Variants in NRG3 observed in about 807,000 individuals in gnomAD.
NRG3 encodes pro-neuregulin-3, membrane-bound isoform.
In NRG3, 31 loss-of-function variants were observed where a neutral mutation model predicts 66.9. The observed-to-expected ratio is 0.46, with a 90% CI of 0.35 to 0.63. NRG3 has a LOEUF of 0.63. Among genes scored for constraint, NRG3 ranks in the 20% least tolerant of loss-of-function variants. NRG3 has a pLI of 0.00. For missense variants in NRG3, 910 were observed against 878.9 expected (o/e 1.04, Z -0.45); for synonymous variants, 393 against 359.4 (o/e 1.09, Z -1.06).
rs760661674 is a variant in NRG3, at chr10:82,304,983, CTTTTTTTTTTT to C, written c.824-53737_824-53727del. Among the ~76,000 whole-genome samples, 138 of 73,868 alleles carry C rather than the reference CTTTTTTTTTTT, an allele frequency of 1.9e-3. No homozygotes were observed. In the East Asian group the frequency reaches 0.049, roughly 26 times the overall value. 48.5% of individuals were successfully genotyped at this position (73,868 alleles called of 152,430 possible). On this transcript the variant is annotated intron_variant, in intron 1 of 8. Transcript: ENST00000372141. Reference sequence around the variant, plus strand: ...ATGTTTATTAAGTCATCAGATTCCTCTTTTTTTTTTTTTTTTTTTTTTTTTTTTTGAGACAG... The same window carrying C: ...ATGTTTATTAAGTCATCAGATTCCTCTTTTTTTTTTTTTTTTTTGAGACAG...
intron 1 of NRG3, among the ~76,000 whole-genome samples, chr10:81,897,420 G>C (rs1053556472): frequency 3.9e-5 from 6 of 152,126 alleles, no homozygotes; most frequent in African/African-American, 1.4e-4. Context: ...GATCCTGGCA[G>C]CTTAGACTAG....
In NRG3 at chr10:82,316,912, T is replaced by C. The variant is rs1051127613; in HGVS notation, c.824-41827T>C. On this transcript the variant is annotated intron_variant, in intron 1 of 8. Transcript: ENST00000372141. ...AGATTCCAGGCTTCTTACTCAGCAC[T>C]GGGAGGCGAAGAACTTGTCACCCTT... 3.3e-5 allele frequency among the ~76,000 whole-genome samples: 5 copies of C among 152,166 alleles called. No homozygotes were observed. In the South Asian group the frequency reaches 1.0e-3, roughly 32 times the overall value.
chr10:82,404,616 A>G (rs1434860095), intron 2 of NRG3, among the ~76,000 whole-genome samples: 1 of 152,242 alleles, frequency 6.6e-6, no homozygotes, highest in African/African-American at 2.4e-5. Context: ...GAGACATTTT[A>G]CTACATAAAA....
intron 2 of NRG3, among the ~76,000 whole-genome samples, chr10:82,667,063 C>G (rs116597966): frequency 6.6e-6 from 1 of 152,314 alleles, no homozygotes; most frequent in African/African-American, 2.4e-5. Flanking sequence ...TGACTGGGGT[C>G]CACAGCAGAG....
chr10:82,961,277 T>A (rs569564512), intron 6 of NRG3, among the ~76,000 whole-genome samples: 1 of 152,212 alleles, frequency 6.6e-6, no homozygotes. Flanking sequence ...ACAACCCATA[T>A]TGATGGATTG....
intron 1 of NRG3, among the ~76,000 whole-genome samples, chr10:81,947,438 C>T (rs2133154816): frequency 6.6e-6 from 1 of 152,250 alleles, no homozygotes; most frequent in African/African-American, 2.4e-5. Context: ...CAGGCTGGTG[C>T]CCAGACTGCC....
chr10:82,414,747 CAG>C (rs1377407075), intron 2 of NRG3, among the ~76,000 whole-genome samples: 1 of 151,924 alleles, frequency 6.6e-6, no homozygotes, highest in Non-Finnish European at 1.5e-5. Context: ...TGTGAGCACA[CAG>C]AGAGAGAGAG....
chr10:82,420,168 G>A (rs1485992973), intron 2 of NRG3, among the ~76,000 whole-genome samples: 1 of 152,088 alleles, frequency 6.6e-6, no homozygotes. Flanking sequence ...CTTGTTCTGT[G>A]CATTTGTTTT....
At chr10:82,835,927 T>C (rs2062751974) in intron 3 of NRG3, among the ~76,000 whole-genome samples, 1 of 152,082 alleles carries the variant, frequency 6.6e-6, no homozygotes, top group African/African-American at 2.4e-5. Context: ...ACCTTTGGAT[T>C]AAGTGATTCC....
At chr10:82,527,053 G>A (rs989898897) in intron 2 of NRG3, among the ~76,000 whole-genome samples, 1 of 151,892 alleles carries the variant, frequency 6.6e-6, no homozygotes, top group African/African-American at 2.4e-5. Flanking sequence ...TCATGAAATT[G>A]TCTTTTAGGG....
chr10:81,880,947 T>C (rs1382890247), intron 1 of NRG3, among the ~76,000 whole-genome samples: 3 of 152,184 alleles, frequency 2.0e-5, no homozygotes, highest in Non-Finnish European at 4.4e-5. Context: ...TCCAGAACCA[T>C]ATACATAATG....
At chr10:82,282,472 C>T (rs1490069053) in intron 1 of NRG3, among the ~76,000 whole-genome samples, 1 of 151,920 alleles carries the variant, frequency 6.6e-6, no homozygotes, top group Non-Finnish European at 1.5e-5. Context: ...CTCAGGGCAG[C>T]AGGACTGAAA....
chr10:82,315,705 G>A (rs948580640), intron 1 of NRG3, among the ~76,000 whole-genome samples: 2 of 145,366 alleles, frequency 1.4e-5, no homozygotes, highest in Non-Finnish European at 1.5e-5. Flanking sequence ...TCACTCTGTC[G>A]CCGAGGCTGG....
intron 2 of NRG3, among the ~76,000 whole-genome samples, chr10:82,467,822 G>A (rs1397036209): frequency 1.3e-5 from 2 of 152,080 alleles, no homozygotes; most frequent in Non-Finnish European, 2.9e-5. Flanking sequence ...TTTCCTCCTT[G>A]GTAGAGAAGG....
At chr10:82,904,676 A>G (rs1159644971) in intron 4 of NRG3, among the ~76,000 whole-genome samples, 1 of 152,150 alleles carries the variant, frequency 6.6e-6, no homozygotes, top group African/African-American at 2.4e-5. Flanking sequence ...TATATCAAAG[A>G]ACAGTAATGT....
At chr10:82,849,367 G>A (rs1002751794) in intron 3 of NRG3, among the ~76,000 whole-genome samples, 2 of 152,132 alleles carry the variant, frequency 1.3e-5, no homozygotes, top group Non-Finnish European at 2.9e-5. Flanking sequence ...ACTGAGAGAG[G>A]ATACGTTACT....
At chr10:82,401,679 C>T (rs908363814) in intron 2 of NRG3, among the ~76,000 whole-genome samples, 17 of 151,954 alleles carry the variant, frequency 1.1e-4, no homozygotes, top group Non-Finnish European at 2.2e-4. Flanking sequence ...TCTTAGAATA[C>T]CTAGGGCCCT....
chr10:82,700,194 C>A (rs1303578300), intron 2 of NRG3, among the ~76,000 whole-genome samples: 1 of 152,068 alleles, frequency 6.6e-6, no homozygotes, highest in Admixed American at 6.6e-5. Context: ...AATATGGATT[C>A]ATCTAGGTTA....
chr10:82,597,822 G>A (rs766872488), intron 2 of NRG3, among the ~76,000 whole-genome samples: 1 of 151,840 alleles, frequency 6.6e-6, no homozygotes, highest in Non-Finnish European at 1.5e-5. Context: ...TAGGGAGGCC[G>A]AGGCAGGAGA....
Sources: gnomAD v4.1 joint callset for allele counts (sites outside exome capture counted in the v4.1 genomes callset) on GRCh38, gnomAD v4.1.1 for gene constraint, MANE v1.5 for transcripts, NCBI Gene and HGNC (gene_info 2026-07-23, HGNC 2026-07-21) for gene names.